Variants in EPHA5 observed in about 807,000 individuals in gnomAD.
The protein encoded by EPHA5 is EPH receptor A5.
In EPHA5, 60 loss-of-function variants were observed where a neutral mutation model predicts 105.0. The ratio of observed to expected loss-of-function variants is 0.57; its 90% CI spans 0.46 to 0.71. EPHA5 has a LOEUF of 0.71. Ranked by LOEUF, EPHA5 falls within the 30% of genes least tolerant of loss-of-function variation. The pLI is 0.00. For missense variants in EPHA5, 1,218 were observed against 1,274.7 expected (o/e 0.96, Z 0.68); for synonymous variants, 513 against 449.1 (o/e 1.14, Z -1.80).
At chr4:65,531,027 TTTTTTA>T in intron 3 of EPHA5, among the ~76,000 whole-genome samples, 6 of 131,124 alleles carry the variant, frequency 4.6e-5, no homozygotes, top group African/African-American at 1.7e-4. Context: ...TTTTTTTATT[TTTTTTA>T]TTTTTTTATT....
intron 5 of EPHA5, among the ~76,000 whole-genome samples, chr4:65,463,828 T>C (rs1025741638): frequency 2.6e-5 from 4 of 152,094 alleles, no homozygotes; most frequent in East Asian, 1.9e-4. Context: ...AATGCTTATA[T>C]ACATAGAGAT....
intron 3 of EPHA5, among the ~76,000 whole-genome samples, chr4:65,528,161 AG>A (rs71657182): frequency 0.16 from 23,969 of 151,994 alleles, 2,043 homozygotes; most frequent in South Asian, 0.2. Context: ...AGAGAGAAAA[AG>A]CTTGCTGTAG....
chr4:65,650,769 T>G (rs1748542488), intron 1 of EPHA5, among the ~76,000 whole-genome samples: 1 of 152,122 alleles, frequency 6.6e-6, no homozygotes, highest in Non-Finnish European at 1.5e-5. Context: ...TTGAAAAATC[T>G]CCTAACTGCT....
At chr4:65,424,309 G>T (rs751979004) in intron 5 of EPHA5, among the ~76,000 whole-genome samples, 1 of 152,016 alleles carries the variant, frequency 6.6e-6, no homozygotes, top group Admixed American at 6.6e-5. Context: ...CTAGTTTAAG[G>T]CACAGTGTTC....
intron 8 of EPHA5, among the ~76,000 whole-genome samples, chr4:65,390,059 A>AT (rs1720550333): frequency 1.3e-5 from 2 of 151,888 alleles, no homozygotes; most frequent in African/African-American, 2.4e-5. Flanking sequence ...AGAGTACTCT[A>AT]TTTTTTATAT....
intron 3 of EPHA5, among the ~76,000 whole-genome samples, chr4:65,564,707 G>A (rs561408340): frequency 1.3e-5 from 2 of 151,750 alleles, no homozygotes; most frequent in South Asian, 4.2e-4. Flanking sequence ...CGTTACAAGG[G>A]TAGATAAATA....
At chr4:65,641,712 C>T (rs1747685278) in intron 2 of EPHA5, among the ~76,000 whole-genome samples, 1 of 152,030 alleles carries the variant, frequency 6.6e-6, no homozygotes, top group African/African-American at 2.4e-5. Flanking sequence ...ATTAACTTCC[C>T]TGTCTTCAAT....
rs1226049382 is a variant in EPHA5 at position 65,557,165 on chromosome 4, G to A, written c.910+44476C>T. Reference sequence around the variant, plus strand: ...TGGGACTAAAGATGAAACCAGATTTGGGGACGGGGCATGGTGAGAGCAGCT... The same window carrying A: ...TGGGACTAAAGATGAAACCAGATTTAGGGACGGGGCATGGTGAGAGCAGCT... On this transcript the variant is annotated intron_variant, in intron 3 of 16. Transcript: ENST00000613740. Among the ~76,000 whole-genome samples, 7 of 148,372 alleles carry A rather than the reference G, an allele frequency of 4.7e-5. No homozygotes were observed. In the South Asian group the frequency reaches 1.1e-3, roughly 23 times the overall value.
chr4:65,512,099 A>G (rs1289415658), intron 3 of EPHA5, among the ~76,000 whole-genome samples: 1 of 152,190 alleles, frequency 6.6e-6, no homozygotes, highest in Non-Finnish European at 1.5e-5. Flanking sequence ...GGAATACCCA[A>G]TGGTGGGGAA....
intron 14 of EPHA5, among the ~76,000 whole-genome samples, chr4:65,344,652 T>C (rs1722043539): frequency 1.3e-5 from 2 of 152,102 alleles, no homozygotes; most frequent in Non-Finnish European, 2.9e-5. Context: ...TTAAAATACT[T>C]TCACAAAAAT....
At chr4:65,354,216 T>G (rs1723091666) in intron 11 of EPHA5, among the ~76,000 whole-genome samples, 2 of 151,822 alleles carry the variant, frequency 1.3e-5, no homozygotes, top group Non-Finnish European at 2.9e-5. Context: ...GGATTTAACA[T>G]TTTAAAAATA....
intron 3 of EPHA5, among the ~76,000 whole-genome samples, chr4:65,599,591 G>A (rs888880045): frequency 2.0e-5 from 3 of 151,958 alleles, no homozygotes; most frequent in African/African-American, 4.8e-5. Context: ...TAATCATACC[G>A]ACTACATGTG....
At chr4:65,581,681 G>C (rs1209105451) in intron 3 of EPHA5, among the ~76,000 whole-genome samples, 1 of 151,680 alleles carries the variant, frequency 6.6e-6, no homozygotes, top group African/African-American at 2.4e-5. Flanking sequence ...ACCAGGTTTT[G>C]AGTTAGAAAT....
At chr4:65,562,853 T>C (rs1739158817) in intron 3 of EPHA5, among the ~76,000 whole-genome samples, 1 of 151,984 alleles carries the variant, frequency 6.6e-6, no homozygotes, top group Non-Finnish European at 1.5e-5. Flanking sequence ...ATAGTTGTAA[T>C]TGTATACATG....
chr4:65,532,235 T>G (rs1181160886), intron 3 of EPHA5, among the ~76,000 whole-genome samples: 1 of 152,092 alleles, frequency 6.6e-6, no homozygotes, highest in Non-Finnish European at 1.5e-5. Flanking sequence ...TTTCAAGTGG[T>G]TATCAATTAG....
At chr4:65,505,593 G>A (rs944501521) in intron 3 of EPHA5, among the ~76,000 whole-genome samples, 1 of 151,976 alleles carries the variant, frequency 6.6e-6, no homozygotes, top group African/African-American at 2.4e-5. Context: ...TCAAGGGATG[G>A]TTTCTTCACA....
chr4:65,624,542 T>C (rs2149481153), intron 2 of EPHA5, among the ~76,000 whole-genome samples: 1 of 152,288 alleles, frequency 6.6e-6, no homozygotes, highest in South Asian at 2.1e-4. Flanking sequence ...TTTAATAAAT[T>C]TGAGGCTTTT....
chr4:65,334,162 C>T (rs1720951281), intron 15 of EPHA5, among the ~76,000 whole-genome samples: 2 of 151,910 alleles, frequency 1.3e-5, no homozygotes. Context: ...CAGTGTCTCT[C>T]TCCCAACAGT....
At chr4:65,329,631 G>A (rs1720402437) in intron 16 of EPHA5, among the ~76,000 whole-genome samples, 1 of 151,048 alleles carries the variant, frequency 6.6e-6, no homozygotes, top group Admixed American at 6.6e-5. Flanking sequence ...ACTATCTTCT[G>A]ACAATAACTC....
Sources: allele counts gnomAD v4.1 joint callset (sites outside exome capture counted in the v4.1 genomes callset), GRCh38; gene constraint gnomAD v4.1.1; transcripts MANE v1.5; gene names NCBI Gene and HGNC (gene_info 2026-07-23, HGNC 2026-07-21).